HDAC7: variants seen among roughly 807,000 people sequenced by gnomAD.
The protein encoded by HDAC7 is histone deacetylase 7.
Under a neutral mutation model 115.5 loss-of-function variants are expected in HDAC7, and 26 were observed. The ratio of observed to expected loss-of-function variants is 0.23; its 90% CI spans 0.16 to 0.31. The LOEUF (loss-of-function observed/expected upper bound fraction) is 0.31. Ranked by LOEUF, HDAC7 falls within the 10% of genes least tolerant of loss-of-function variation. HDAC7 has a pLI of 1.00. For missense variants in HDAC7, 1,068 were observed against 1,329.0 expected (o/e 0.80, Z 3.05); for synonymous variants, 564 against 550.9 (o/e 1.02, Z -0.33).
chr12:47,793,681 T>C lies in HDAC7; in HGVS notation c.1459-93A>G. ...TCTTGGGAACTGCCAAGCAGGCCCCTTTCCTAGAGAGATTCCAGGATAAAC... is the reference window on the plus strand; with the variant it reads ...TCTTGGGAACTGCCAAGCAGGCCCCCTTCCTAGAGAGATTCCAGGATAAAC... On this transcript the variant is annotated intron_variant, in intron 12 of 25. Coordinates refer to ENST00000080059, the MANE Select transcript of HDAC7 (RefSeq NM_015401.5). This position sits in a 1 kb window ranked among gnomAD's most constrained non-coding sequence, Gnocchi z 4.5. 2.1e-6 allele frequency: 2 copies of C among 964,354 alleles called. No individual in the cohort carries two copies. The highest frequency in any genetic ancestry group is 2.8e-5 in the Admixed American group (1 of 35,490). The allele number at this position is 964,354 out of a possible 1,614,324, so 59.7% of individuals were successfully genotyped here. A position where few individuals can be genotyped will look rare whatever the true frequency, so the allele number is the denominator to read the frequency against.
At position 47,797,356 on chromosome 12, in the gene HDAC7, G is replaced by GA. The variant is rs1441400655; in HGVS notation, c.577+27dup. 3.1e-6 allele frequency: 5 copies of GA among 1,601,434 alleles called. No individual in the cohort carries two copies. The highest frequency in any genetic ancestry group is 4.3e-6 in the Non-Finnish European group (5 of 1,169,010). On this transcript the variant is annotated intron_variant, in intron 6 of 25. Coordinates refer to ENST00000080059, the MANE Select transcript of HDAC7 (RefSeq NM_015401.5). This position sits in a 1 kb window ranked among gnomAD's most constrained non-coding sequence, Gnocchi z 5.5. ...GAGGCCCTTCCCCCTTCCTTTGCCT[G>GA]AAAGGTCCGCCTGTTTGTTCAGCTC...
intron 1 of HDAC7, among the ~76,000 whole-genome samples, chr12:47,812,174 T>G (rs1046333600): frequency 6.6e-6 from 1 of 152,140 alleles, no homozygotes; most frequent in African/African-American, 2.4e-5. Context: ...CTGGGGTCCC[T>G]CCTCGCCCTG....
At chr12:47,785,023 C>A (rs1300740636) in intron 24 of HDAC7, 10 of 575,638 alleles carry the variant, frequency 1.7e-5, no homozygotes, top group Non-Finnish European at 2.8e-5. Flanking sequence ...CAGCAGAGCT[C>A]CTGAGACGCC....
At chr12:47,784,869 G>A in intron 24 of HDAC7, 1 of 1,132,748 alleles carries the variant, frequency 8.8e-7, no homozygotes, top group East Asian at 2.6e-5. Flanking sequence ...CCCAGCCCTT[G>A]ATATGGGAAT....
Position 47,786,612 on chromosome 12 carries a change from G to A in HDAC7, c.2545C>T (p.Leu849=), listed in dbSNP as rs1377976950. 6.2e-7 allele frequency: 1 copy of A among 1,613,826 alleles called. No individual in the cohort carries two copies. Among genetic ancestry groups the A allele is most frequent in the African/African-American group, 1.3e-5 (1 of 75,056 alleles). The change falls in exon 22 of 26, where the codon CTG becomes TTG. Residue 849 remains leucine, a synonymous_variant. Coordinates refer to ENST00000080059, the MANE Select transcript of HDAC7 (RefSeq NM_015401.5). ...FDAAEGHPAP[L]GGYHVSAKCF... ...TTGGCAGAAACATGGTAGCCACCCA[G>A]TGGGGCCGGGTGACCCTCAGCAGCA... is the stretch of plus-strand genomic sequence containing the variant.
chr12:47,819,795 G>A lies in HDAC7; in HGVS notation c.-10C>T, dbSNP rs992077008. On this transcript the variant is annotated 5_prime_UTR_variant, in exon 1 of 26. Transcript: ENST00000080059. ...CGCCGGGGCTGTGCATCCAGGGGCC[G>A]GGGCCCTCAGAGCGGGGGGCTCATG... The A allele has an allele frequency of 3.6e-6, 2 of 559,014 alleles. No individual in the cohort carries two copies. The highest frequency in any genetic ancestry group is 4.7e-6 in the Non-Finnish European group (2 of 425,356). The allele number at this position is 559,014 out of a possible 1,614,324, so 34.6% of individuals were successfully genotyped here.
intron 16 of HDAC7, 181 bp downstream of exon 16, chr12:47,791,078 G>A (rs201057958): frequency 6.1e-4 from 395 of 644,834 alleles, no homozygotes; most frequent in Admixed American, 2.5e-3. Flanking sequence ...CTGTGGGTCC[G>A]AGACACGCCT....
intron 22 of HDAC7, among the ~76,000 whole-genome samples, chr12:47,786,224 T>G (rs779504137): frequency 9.2e-5 from 14 of 152,288 alleles, no homozygotes; most frequent in Non-Finnish European, 1.6e-4. Context: ...CACCCTCTAT[T>G]CTGAGAGTGC....
At position 47,784,089 on chromosome 12, in the gene HDAC7, C is replaced by G. The variant is rs754503118; in HGVS notation, c.2920G>C (p.Ala974Pro). 2 of 1,613,230 alleles carry G rather than the reference C, an allele frequency of 1.2e-6. No homozygotes were observed. Among genetic ancestry groups the G allele is most frequent in the Admixed American group, 1.7e-5 (1 of 59,946 alleles). Reference protein sequence around the residue: ...ALASLSVGILAEDRPSEQLVE... With the variant: ...ALASLSVGILPEDRPSEQLVE... Reference sequence around the variant, plus strand: ...GGGGTCTGGCATTACCTATCTTCAGCCAGGATGCCCACAGAGAGGGACGCC... The same window carrying G: ...GGGGTCTGGCATTACCTATCTTCAGGCAGGATGCCCACAGAGAGGGACGCC... The change falls in exon 25 of 26, where the codon GCT (alanine) becomes CCT (proline). Residue 974 changes from alanine to proline, a missense_variant. Physicochemically the swap from Ala to Pro is conservative, Grantham distance 27. Transcript: ENST00000080059.
chr12:47,789,411 C>G, intron 18 of HDAC7, 63 bp from the exon 19 acceptor site: 1 of 1,580,174 alleles, frequency 6.3e-7, no homozygotes, highest in Non-Finnish European at 8.7e-7. Flanking sequence ...CCCCAGGCCC[C>G]TGGGTTGGCC....
chr12:47,819,792 G>A lies in HDAC7; in HGVS notation c.-7C>T. On this transcript the variant is annotated 5_prime_UTR_variant, in exon 1 of 26. Transcript: ENST00000080059. The stretch of plus-strand genomic sequence containing the variant: ...CAGCGCCGGGGCTGTGCATCCAGGG[G>A]CCGGGGCCCTCAGAGCGGGGGGCTC... 2 of 612,806 alleles carry A rather than the reference G, an allele frequency of 3.3e-6. No individual in the cohort carries two copies. The highest frequency in any genetic ancestry group is 4.2e-6 in the Non-Finnish European group (2 of 475,514). The allele number at this position is 612,806 out of a possible 1,614,324, so 38.0% of individuals were successfully genotyped here. A position where few individuals can be genotyped will look rare whatever the true frequency, so the allele number is the denominator to read the frequency against.
intron 8 of HDAC7, 58 bp downstream of exon 8, chr12:47,796,149 G>A (rs1592658698): frequency 3.2e-6 from 5 of 1,545,636 alleles, no homozygotes; most frequent in East Asian, 2.3e-5. Context: ...GCCGCCTGCT[G>A]GAAGAAGGCT....
At chr12:47,811,933 C>T (rs574132911) in intron 1 of HDAC7, among the ~76,000 whole-genome samples, 2 of 152,344 alleles carry the variant, frequency 1.3e-5, no homozygotes, top group South Asian at 4.1e-4. Flanking sequence ...AAAGAAATGC[C>T]TCATGCCTCT....
In HDAC7 at chr12:47,788,450, A is replaced by C. The variant is rs146829148; in HGVS notation, c.2236-286T>G. ...CACCTGAGAGAGTAACTGTGTGGAC[A>C]TGGGGTTAGTGGCAAGGAGAGGGAA... On this transcript the variant is annotated intron_variant, in intron 19 of 25. Transcript: ENST00000080059. 3.9e-3 allele frequency: 1,075 copies of C among 273,854 alleles called. 19 individuals are homozygous for C. Among genetic ancestry groups the C allele is most frequent in the African/African-American group, 0.022 (1,021 of 45,504 alleles). 17.0% of individuals were successfully genotyped at this position (273,854 alleles called of 1,614,324 possible). A position where few individuals can be genotyped will look rare whatever the true frequency, so the allele number is the denominator to read the frequency against.
chr12:47,805,879 A>C (rs1944380838), intron 1 of HDAC7, among the ~76,000 whole-genome samples: 1 of 152,228 alleles, frequency 6.6e-6, no homozygotes, highest in African/African-American at 2.4e-5. Context: ...TCACTGATCT[A>C]GGGGTTGAAA....
In HDAC7 at chr12:47,797,317, C is replaced by CA; in HGVS notation, c.577+66_577+67insT. ...CCCAGCCCGCCCACCCCTGCACACT[C>CA]CTCCCCCATGTCCGAGGCCCTTCCC... On this transcript the variant is annotated intron_variant, in intron 6 of 25. Coordinates refer to ENST00000080059, the MANE Select transcript of HDAC7 (RefSeq NM_015401.5). The surrounding 1 kb of genome is among the most constrained non-coding windows in gnomAD (Gnocchi z 5.5). The CA allele has an allele frequency of 8.1e-7, 1 of 1,234,310 alleles. No homozygotes were observed. Among genetic ancestry groups the CA allele is most frequent in the Non-Finnish European group, 1.2e-6 (1 of 846,294 alleles). The allele number at this position is 1,234,310 out of a possible 1,614,324, so 76.5% of individuals were successfully genotyped here.
At chr12:47,787,971 G>A (rs958275901) in intron 20 of HDAC7, 74 bp downstream of exon 20, 88 of 1,588,976 alleles carry the variant, frequency 5.5e-5, no homozygotes, top group Middle Eastern at 1.7e-4. Context: ...CACACAGCTC[G>A]TCATGACAGA....
intron 1 of HDAC7, 100 bp from the exon 2 acceptor site, chr12:47,802,374 AGCT>A (rs1359834207): frequency 5.2e-6 from 8 of 1,535,232 alleles, no homozygotes; most frequent in Non-Finnish European, 7.1e-6. Context: ...TGCCACTCCA[AGCT>A]TGAGCACGCC....
chr12:47,819,461 CG>C (rs903285755), intron 1 of HDAC7, among the ~76,000 whole-genome samples: 2 of 152,180 alleles, frequency 1.3e-5, no homozygotes, highest in African/African-American at 2.4e-5. Context: ...CACCGGCGGC[CG>C]GGGCCTCCAA....
Sources: gnomAD v4.1 joint callset for allele counts (sites outside exome capture counted in the v4.1 genomes callset) on GRCh38, gnomAD v4.1.1 for gene constraint, Gnocchi (gnomAD v3.1) non-coding constraint, MANE v1.5 for transcripts, NCBI Gene and HGNC (gene_info 2026-07-23, HGNC 2026-07-21) for gene names.